NAALADL2: variants seen among roughly 807,000 people sequenced by gnomAD.
NAALADL2 encodes N-acetylated alpha-linked acidic dipeptidase like 2.
A neutral mutation model predicts 87.2 loss-of-function variants in NAALADL2; 76 were observed. That is an observed-to-expected ratio of 0.87 (90% CI 0.72 to 1.05). The LOEUF is 1.05. Among genes scored for constraint, NAALADL2 ranks in the 50% least tolerant of loss-of-function variants. The pLI is 0.00. For synonymous variants in NAALADL2, 354 were observed against 331.0 expected, an observed-to-expected ratio of 1.07 and a Z score of -0.75; for missense variants, 1,089 against 945.8, an observed-to-expected ratio of 1.15 and a Z score of -1.99.
chr3:175,330,826 C>CTAGA (rs1486303223), intron 5 of NAALADL2, among the ~76,000 whole-genome samples: 1 of 151,874 alleles, frequency 6.6e-6, no homozygotes, highest in Non-Finnish European at 1.5e-5. Flanking sequence ...ACTAAAGGAA[C>CTAGA]TAGAGTCTTG....
At chr3:175,352,553 A>T (rs1763887318) in intron 5 of NAALADL2, among the ~76,000 whole-genome samples, 1 of 152,118 alleles carries the variant, frequency 6.6e-6, no homozygotes, top group South Asian at 2.1e-4. Flanking sequence ...TCTGCCAATC[A>T]TAGGATATAA....
At chr3:175,284,311 T>C (rs892903302) in intron 4 of NAALADL2, among the ~76,000 whole-genome samples, 1 of 151,942 alleles carries the variant, frequency 6.6e-6, no homozygotes, top group African/African-American at 2.4e-5. Flanking sequence ...AAGTTGATAC[T>C]GACAAAAGAT....
intron 1 of NAALADL2, among the ~76,000 whole-genome samples, chr3:174,864,774 T>C (rs945321438): frequency 1.3e-5 from 2 of 152,068 alleles, no homozygotes; most frequent in Non-Finnish European, 2.9e-5. Context: ...ATTTAGCTAA[T>C]TGAGTAGGAC....
rs568245752 is a variant in NAALADL2 at position 175,044,000 on chromosome 3, T to C, written c.44-52790T>C. Reference sequence around the variant, plus strand: ...TATTTGAAAATGTTAATTCTTCCAATCTGTGAGCATAGGATATCTTTTCAT... The same window carrying C: ...TATTTGAAAATGTTAATTCTTCCAACCTGTGAGCATAGGATATCTTTTCAT... On this transcript the variant is annotated intron_variant, in intron 1 of 13. Transcript: ENST00000454872. 3.3e-5 allele frequency among the ~76,000 whole-genome samples: 5 copies of C among 152,320 alleles called. No individual in the cohort carries two copies. In the East Asian group the frequency reaches 7.7e-4, roughly 23 times the overall value.
At chr3:175,651,963 C>A (rs2149789867) in intron 11 of NAALADL2, among the ~76,000 whole-genome samples, 1 of 152,264 alleles carries the variant, frequency 6.6e-6, no homozygotes, top group African/African-American at 2.4e-5. Flanking sequence ...ATGTTCAGAG[C>A]AGTGTTTGTT....
chr3:175,033,505 CG>C (rs1414410898), intron 1 of NAALADL2, among the ~76,000 whole-genome samples: 1 of 152,060 alleles, frequency 6.6e-6, no homozygotes, highest in East Asian at 1.9e-4. Flanking sequence ...AATTTATTCC[CG>C]GTATGTGTCA....
intron 1 of NAALADL2, among the ~76,000 whole-genome samples, chr3:175,062,334 T>C (rs573542552): frequency 1.3e-5 from 2 of 152,292 alleles, no homozygotes; most frequent in East Asian, 3.9e-4. Flanking sequence ...GGCAATCTTA[T>C]TTTTTGGAGA....
At chr3:174,589,512 G>A (rs1485668390) in intron 2 of NAALADL2, among the ~76,000 whole-genome samples, 1 of 152,138 alleles carries the variant, frequency 6.6e-6, no homozygotes, top group Non-Finnish European at 1.5e-5. Context: ...AACCAAGTCT[G>A]AGTTTCTGTT....
chr3:175,169,062 T>C (rs776650087), intron 2 of NAALADL2, among the ~76,000 whole-genome samples: 2 of 151,712 alleles, frequency 1.3e-5, no homozygotes, highest in Non-Finnish European at 3.0e-5. Flanking sequence ...GTAAATTGAA[T>C]GTGTAGGAGT....
At chr3:174,597,283 G>T (rs1718010008) in intron 2 of NAALADL2, among the ~76,000 whole-genome samples, 1 of 152,146 alleles carries the variant, frequency 6.6e-6, no homozygotes, top group Non-Finnish European at 1.5e-5. Flanking sequence ...TAGAGATTTT[G>T]CCCAGGGTTG....
At chr3:175,672,371 G>A (rs1281806584) in intron 11 of NAALADL2, among the ~76,000 whole-genome samples, 2 of 152,104 alleles carry the variant, frequency 1.3e-5, no homozygotes, top group Non-Finnish European at 2.9e-5. Context: ...CTAATAAAGG[G>A]AAGTTGATCC....
intron 2 of NAALADL2, among the ~76,000 whole-genome samples, chr3:174,646,814 T>C (rs1723834532): frequency 6.6e-6 from 1 of 152,148 alleles, no homozygotes; most frequent in South Asian, 2.1e-4. Context: ...CCTGAATTCT[T>C]CATTTTAATA....
intron 9 of NAALADL2, among the ~76,000 whole-genome samples, chr3:175,490,062 T>A (rs544492590): frequency 5.9e-5 from 9 of 152,168 alleles, no homozygotes; most frequent in African/African-American, 2.2e-4. Context: ...GGCCCATCTC[T>A]CTGTCAACAA....
chr3:174,730,939 C>T (rs1166088046), intron 2 of NAALADL2, among the ~76,000 whole-genome samples: 2 of 151,800 alleles, frequency 1.3e-5, no homozygotes, highest in African/African-American at 4.8e-5. Flanking sequence ...GAGAATTTAT[C>T]GTAAGTTTGA....
intron 11 of NAALADL2, among the ~76,000 whole-genome samples, chr3:175,646,974 C>T (rs1168105671): frequency 6.6e-6 from 1 of 152,108 alleles, no homozygotes; most frequent in Non-Finnish European, 1.5e-5. Context: ...CATTCAAAAT[C>T]TGTAAGTTTC....
At chr3:175,058,275 C>A (rs1363900467) in intron 1 of NAALADL2, among the ~76,000 whole-genome samples, 4 of 152,174 alleles carry the variant, frequency 2.6e-5, no homozygotes, top group Non-Finnish European at 5.9e-5. Context: ...AGCTGTCAAT[C>A]AATTCTAGTA....
At chr3:175,668,198 CT>C (rs1284253769) in intron 11 of NAALADL2, among the ~76,000 whole-genome samples, 2 of 152,084 alleles carry the variant, frequency 1.3e-5, no homozygotes, top group African/African-American at 4.8e-5. Flanking sequence ...TTTTTAGCAC[CT>C]TTGTTCTTTA....
At chr3:174,654,283 G>A (rs982811998) in intron 2 of NAALADL2, among the ~76,000 whole-genome samples, 4 of 151,838 alleles carry the variant, frequency 2.6e-5, no homozygotes, top group Non-Finnish European at 4.4e-5. Flanking sequence ...GTGTACTTGG[G>A]TACTCAATAA....
chr3:175,288,481 G>A (rs1473700547), intron 4 of NAALADL2, among the ~76,000 whole-genome samples: 2 of 152,100 alleles, frequency 1.3e-5, no homozygotes, highest in Non-Finnish European at 2.9e-5. Flanking sequence ...CTCAAATTAA[G>A]CATTTAAGGA....
Sources: gnomAD v4.1 joint callset for allele counts (sites outside exome capture counted in the v4.1 genomes callset) on GRCh38, gnomAD v4.1.1 for gene constraint, MANE v1.5 for transcripts, NCBI Gene and HGNC (gene_info 2026-07-23, HGNC 2026-07-21) for gene names.